Variants in SLC24A2 observed in about 807,000 individuals in gnomAD.
SLC24A2 encodes solute carrier family 24 member 2, also known as sodium/potassium/calcium exchanger 2.
In SLC24A2, 36 loss-of-function variants were observed where a neutral mutation model predicts 62.0. The observed-to-expected ratio is 0.58, with a 90% CI of 0.44 to 0.77. The LOEUF is 0.77. Ranked by LOEUF, SLC24A2 falls within the 30% of genes least tolerant of loss-of-function variation. The pLI is 0.00. For missense variants in SLC24A2, 846 were observed against 817.9 expected (o/e 1.03, Z -0.42); for synonymous variants, 358 against 294.0 (o/e 1.22, Z -2.23).
chr9:20,157,555 A>C, the SLC24A2 span, among the ~76,000 whole-genome samples: 6 of 151,712 alleles, frequency 4.0e-5, no homozygotes, highest in South Asian at 1.2e-3. Flanking sequence ...TCACAACTAC[A>C]CCTATAGGAA....
chr9:20,088,788 C>T, the SLC24A2 span, among the ~76,000 whole-genome samples: 1 of 151,684 alleles, frequency 6.6e-6, no homozygotes, highest in African/African-American at 2.4e-5. Context: ...TCCCCAGCCT[C>T]CCCAACTGGT....
In SLC24A2 at chr9:19,669,583, T is replaced by C. The variant is rs186881526; in HGVS notation, c.931-47284A>G. On this transcript the variant is annotated intron_variant, in intron 2 of 10. Coordinates refer to ENST00000341998, the MANE Select transcript of SLC24A2 (RefSeq NM_020344.4). The stretch of plus-strand genomic sequence containing the variant: ...AGCAAAGTCTCTGCAGGGCTGATAC[T>C]TGCCTTCAGGCTCTGGGGGAAAATC... 3.9e-5 allele frequency among the ~76,000 whole-genome samples: 6 copies of C among 152,354 alleles called. No individual in the cohort carries two copies. In the East Asian group the frequency reaches 9.6e-4, roughly 24 times the overall value.
chr9:19,668,362 C>G (rs1042622670), intron 2 of SLC24A2, among the ~76,000 whole-genome samples: 1 of 152,150 alleles, frequency 6.6e-6, no homozygotes, highest in African/African-American at 2.4e-5. Flanking sequence ...GGTGAAATTG[C>G]ACAGCCCAGA....
At chr9:19,574,881 T>C (rs1043786358) in intron 6 of SLC24A2, among the ~76,000 whole-genome samples, 10 of 152,180 alleles carry the variant, frequency 6.6e-5, no homozygotes, top group Non-Finnish European at 1.2e-4. Context: ...TGTAGTATGC[T>C]GTCAGGGTTT....
At chr9:19,702,119 T>A (rs1452345051) in intron 2 of SLC24A2, among the ~76,000 whole-genome samples, 1 of 152,238 alleles carries the variant, frequency 6.6e-6, no homozygotes, top group African/African-American at 2.4e-5. Context: ...TTTGAGAGAT[T>A]TCAGAGTGAA....
chr9:19,552,360 T>C (rs550362465), intron 7 of SLC24A2, among the ~76,000 whole-genome samples: 50 of 152,308 alleles, frequency 3.3e-4, no homozygotes, highest in South Asian at 1.4e-3. Context: ...AGGAGACAGG[T>C]ATATTTTCCT....
chr9:19,577,428 T>C (rs1836052002), intron 5 of SLC24A2, among the ~76,000 whole-genome samples: 1 of 152,166 alleles, frequency 6.6e-6, no homozygotes, highest in Admixed American at 6.5e-5. Flanking sequence ...GTCCTCTGAT[T>C]TGACTTCAGT....
intron 6 of SLC24A2, among the ~76,000 whole-genome samples, chr9:19,576,581 C>T (rs912747405): frequency 6.6e-6 from 1 of 152,152 alleles, no homozygotes; most frequent in Non-Finnish European, 1.5e-5. Flanking sequence ...TGTACGTGTG[C>T]GTGTATGCGT....
chr9:19,757,148 T>C (rs1397285778), intron 2 of SLC24A2, among the ~76,000 whole-genome samples: 1 of 152,104 alleles, frequency 6.6e-6, no homozygotes, highest in Non-Finnish European at 1.5e-5. Flanking sequence ...AACTCACAAT[T>C]GAAACAACTG....
At chr9:19,519,349 T>TTGTGTGTGTGTGTGTG (rs10640008) in intron 10 of SLC24A2, among the ~76,000 whole-genome samples, 116 of 147,680 alleles carry the variant, frequency 7.9e-4, no homozygotes, top group African/African-American at 2.7e-3. Context: ...TTAAACTTCC[T>TTGTGTGTGTGTGTGTG]TGTGTGTGTG....
the SLC24A2 span, among the ~76,000 whole-genome samples, chr9:20,215,110 A>T: frequency 6.6e-6 from 1 of 152,218 alleles, no homozygotes; most frequent in Non-Finnish European, 1.5e-5. Flanking sequence ...GCGTTGGCAG[A>T]TGTAGTGTCT....
intron 4 of SLC24A2, among the ~76,000 whole-genome samples, chr9:19,611,139 G>A (rs374600199): frequency 6.6e-6 from 1 of 152,186 alleles, no homozygotes; most frequent in East Asian, 1.9e-4. Flanking sequence ...TGACTTGAAG[G>A]AGGGGAGACC....
intron 2 of SLC24A2, among the ~76,000 whole-genome samples, chr9:19,699,380 G>A (rs553862327): frequency 1.3e-5 from 2 of 152,166 alleles, no homozygotes; most frequent in South Asian, 4.1e-4. Context: ...CACTGCTGTT[G>A]GAAATAAAAA....
At chr9:19,752,286 C>T (rs1387416198) in intron 2 of SLC24A2, among the ~76,000 whole-genome samples, 1 of 151,982 alleles carries the variant, frequency 6.6e-6, no homozygotes, top group Non-Finnish European at 1.5e-5. Flanking sequence ...GGGTGAGTTA[C>T]TGCAGATCTC....
chr9:19,694,818 C>T (rs1820138327), intron 2 of SLC24A2, among the ~76,000 whole-genome samples: 3 of 152,118 alleles, frequency 2.0e-5, no homozygotes, highest in Non-Finnish European at 4.4e-5. Flanking sequence ...AACTAGGAGG[C>T]TTGGACTCAG....
chr9:20,295,752 T>G, the SLC24A2 span, among the ~76,000 whole-genome samples: 1 of 152,064 alleles, frequency 6.6e-6, no homozygotes, highest in East Asian at 1.9e-4. Flanking sequence ...GGACAGAGAG[T>G]TACACCATCT....
chr9:19,711,184 T>C (rs1368856623), intron 2 of SLC24A2, among the ~76,000 whole-genome samples: 2 of 152,204 alleles, frequency 1.3e-5, no homozygotes, highest in Non-Finnish European at 2.9e-5. Context: ...TAAGATGCTG[T>C]TTGCCTTTTT....
the SLC24A2 span, among the ~76,000 whole-genome samples, chr9:20,133,725 G>C: frequency 3.9e-5 from 6 of 152,050 alleles, no homozygotes; most frequent in Non-Finnish European, 8.8e-5. Flanking sequence ...ACTCTTAAAA[G>C]CCATAAAACT....
the SLC24A2 span, among the ~76,000 whole-genome samples, chr9:20,047,168 G>T: frequency 2.2e-4 from 33 of 152,220 alleles, 1 homozygote; most frequent in East Asian, 5.2e-3. Flanking sequence ...TTGACATGAA[G>T]GCCCAAGGGA....
Sources: allele counts gnomAD v4.1 joint callset (sites outside exome capture counted in the v4.1 genomes callset), GRCh38; gene constraint gnomAD v4.1.1; transcripts MANE v1.5; gene names NCBI Gene and HGNC (gene_info 2026-07-23, HGNC 2026-07-21).